The following ASCC3 variants were observed in gnomAD, a reference collection of about 807,000 sequenced individuals.
ASCC3 encodes the protein activating signal cointegrator 1 complex subunit 3.
In ASCC3, 158 loss-of-function variants were observed where a neutral mutation model predicts 256.3. That is an observed-to-expected ratio of 0.62 (90% CI 0.54 to 0.70). The LOEUF (loss-of-function observed/expected upper bound fraction) is 0.70. Ranked by LOEUF, ASCC3 falls within the 30% of genes least tolerant of loss-of-function variation. The pLI is 0.00. For missense variants in ASCC3, 2,259 were observed against 2,626.0 expected, an observed-to-expected ratio of 0.86 and a Z score of 3.05; for synonymous variants, 948 against 883.4, an observed-to-expected ratio of 1.07 and a Z score of -1.30.
intron 13 of ASCC3, among the ~76,000 whole-genome samples, chr6:100,695,157 T>A (rs193228898): frequency 6.6e-6 from 1 of 151,992 alleles, no homozygotes; most frequent in African/African-American, 2.4e-5. Flanking sequence ...AAATTGGGAG[T>A]CATTTTACAA....
chr6:100,778,795 CAA>C (rs1782315260), intron 8 of ASCC3, among the ~76,000 whole-genome samples: 1 of 152,044 alleles, frequency 6.6e-6, no homozygotes, highest in South Asian at 2.1e-4. Flanking sequence ...CAAATGTAAT[CAA>C]AGTCTTGCTT....
intron 20 of ASCC3, among the ~76,000 whole-genome samples, chr6:100,649,412 G>C (rs1775549653): frequency 6.6e-6 from 1 of 151,406 alleles, no homozygotes; most frequent in South Asian, 2.1e-4. Flanking sequence ...ATAAAACAAA[G>C]GAGATTAGAA....
intron 20 of ASCC3, 63 bp from the exon 21 acceptor site, chr6:100,647,514 T>C: frequency 7.1e-7 from 1 of 1,418,420 alleles, no homozygotes; most frequent in South Asian, 1.2e-5. Flanking sequence ...TGTCAATAAA[T>C]CTATTATTCA....
intron 36 of ASCC3, among the ~76,000 whole-genome samples, chr6:100,547,007 A>G (rs529093927): frequency 4.6e-5 from 7 of 152,178 alleles, no homozygotes; most frequent in Admixed American, 3.3e-4. Flanking sequence ...GCACTACATG[A>G]CTTATAAAGC....
At chr6:100,568,755 T>C (rs1037952213) in intron 36 of ASCC3, among the ~76,000 whole-genome samples, 3 of 47,178 alleles carry the variant, frequency 6.4e-5, no homozygotes, top group Admixed American at 1.8e-4. Flanking sequence ...AGTCATAAAT[T>C]ATTATTATTA....
intron 14 of ASCC3, among the ~76,000 whole-genome samples, chr6:100,674,852 A>C (rs1562217320): frequency 6.6e-6 from 1 of 151,718 alleles, no homozygotes; most frequent in Non-Finnish European, 1.5e-5. Flanking sequence ...GGCTGATCTC[A>C]AACTCCTGAC....
chr6:100,737,515 T>C (rs1780236956), intron 10 of ASCC3, among the ~76,000 whole-genome samples: 1 of 152,172 alleles, frequency 6.6e-6, no homozygotes, highest in South Asian at 2.1e-4. Flanking sequence ...TCACTGAGGA[T>C]AGTGGCTTCC....
At chr6:100,791,309 A>G (rs1029540802) in intron 8 of ASCC3, among the ~76,000 whole-genome samples, 2 of 151,878 alleles carry the variant, frequency 1.3e-5, no homozygotes, top group African/African-American at 2.4e-5. Context: ...TCTAAATAAT[A>G]CTCCAACACA....
intron 37 of ASCC3, among the ~76,000 whole-genome samples, chr6:100,532,408 T>TA (rs1562098670): frequency 0.01 from 373 of 37,172 alleles, 1 homozygote; most frequent in Middle Eastern, 0.025. Flanking sequence ...ATATATATAT[T>TA]TTTTTTTTTT....
intron 40 of ASCC3, 145 bp from the exon 41 acceptor site, chr6:100,510,252 C>G: frequency 7.8e-6 from 7 of 892,856 alleles, no homozygotes. Flanking sequence ...AAATTTTCTT[C>G]CATTCTGGTT....
At chr6:100,542,834 G>A (rs1265842232) in intron 36 of ASCC3, among the ~76,000 whole-genome samples, 1 of 151,384 alleles carries the variant, frequency 6.6e-6, no homozygotes, top group African/African-American at 2.4e-5. Context: ...TCATTGTTCA[G>A]GCAGAAGACA....
At chr6:100,714,139 T>G (rs539575824) in intron 13 of ASCC3, among the ~76,000 whole-genome samples, 21 of 152,294 alleles carry the variant, frequency 1.4e-4, no homozygotes, top group African/African-American at 5.1e-4. Context: ...ATATTGTCCA[T>G]AGCCGCTTTC....
At chr6:100,639,852 A>G (rs1295050928) in intron 24 of ASCC3, among the ~76,000 whole-genome samples, 1 of 152,108 alleles carries the variant, frequency 6.6e-6, no homozygotes, top group Non-Finnish European at 1.5e-5. Flanking sequence ...CGGTGGCTCA[A>G]GCCTGTAATC....
intron 7 of ASCC3, 65 bp from the exon 8 acceptor site, chr6:100,798,903 T>C: frequency 7.2e-7 from 1 of 1,391,930 alleles, no homozygotes; most frequent in Non-Finnish European, 1.0e-6. Flanking sequence ...TGGTAAATAT[T>C]CTTTAGAGAG....
chr6:100,786,323 AT>A (rs1028621502), intron 8 of ASCC3, among the ~76,000 whole-genome samples: 3 of 152,206 alleles, frequency 2.0e-5, no homozygotes, highest in Non-Finnish European at 2.9e-5. Context: ...GCGGATGGAA[AT>A]AATGTCTTCC....
At chr6:100,552,620 A>T (rs1410049093) in intron 36 of ASCC3, among the ~76,000 whole-genome samples, 1 of 152,038 alleles carries the variant, frequency 6.6e-6, no homozygotes, top group Non-Finnish European at 1.5e-5. Flanking sequence ...ACAAAAGTAC[A>T]TCAATGTGTG....
In ASCC3 at chr6:100,518,153, A is replaced by C; in HGVS notation, c.5776-11T>G. The C allele has an allele frequency of 6.2e-7, 1 of 1,613,170 alleles. No individual in the cohort carries two copies. Among genetic ancestry groups the C allele is most frequent in the Non-Finnish European group, 8.5e-7 (1 of 1,179,428 alleles). ...CACGTCCAGCATTGCCTGAACAGGG[A>C]AAATGCACATGTTACAAGAATTATA... On this transcript the variant is annotated splice_polypyrimidine_tract_variant and intron_variant, in intron 37 of 41. Transcript: ENST00000369162.
intron 16 of ASCC3, among the ~76,000 whole-genome samples, chr6:100,657,622 A>C (rs547702655): frequency 2.3e-4 from 35 of 151,600 alleles, no homozygotes; most frequent in African/African-American, 8.2e-4. Flanking sequence ...AACTCCTATG[A>C]GTAGAAAAAT....
intron 4 of ASCC3, among the ~76,000 whole-genome samples, chr6:100,814,492 T>C (rs1770645922): frequency 6.6e-6 from 1 of 152,146 alleles, no homozygotes; most frequent in African/African-American, 2.4e-5. Context: ...CTCCCCATTT[T>C]CTTGGAATGG....
Sources: allele counts gnomAD v4.1 joint callset (sites outside exome capture counted in the v4.1 genomes callset), GRCh38; gene constraint gnomAD v4.1.1; transcripts MANE v1.5; gene names NCBI Gene and HGNC (gene_info 2026-07-23, HGNC 2026-07-21).